SLC39A10: variants seen among roughly 807,000 people sequenced by gnomAD.
SLC39A10 encodes solute carrier family 39 member 10.
A neutral mutation model predicts 65.1 loss-of-function variants in SLC39A10; 13 were observed. The observed-to-expected ratio is 0.20, with a 90% CI of 0.13 to 0.32. The LOEUF is 0.32. Ranked by LOEUF, SLC39A10 falls within the 10% of genes least tolerant of loss-of-function variation. The pLI, the probability that SLC39A10 is intolerant of heterozygous loss-of-function variation, is 1.00. For missense variants in SLC39A10, 831 were observed against 1,018.4 expected (o/e 0.82, Z 2.50); for synonymous variants, 321 against 342.2 (o/e 0.94, Z 0.68).
intron 4 of SLC39A10, among the ~76,000 whole-genome samples, chr2:195,707,887 C>G (rs7565283): frequency 1.3e-5 from 2 of 151,932 alleles, no homozygotes; most frequent in Non-Finnish European, 2.9e-5. Flanking sequence ...AATTTTAGAA[C>G]GAAGAAAGAT....
chr2:195,632,469 T>C (rs1160846390), intron 2 of SLC39A10, among the ~76,000 whole-genome samples: 1 of 151,754 alleles, frequency 6.6e-6, no homozygotes, highest in Non-Finnish European at 1.5e-5. Context: ...CTGGTTAATT[T>C]TGTATTTTTA....
rs1559043873 is a variant in SLC39A10 at position 195,708,832 on chromosome 2, C to T, written c.1563C>T (p.Tyr521=). Reference sequence around the variant, plus strand: ...ACTGCATTAGAATGTTTAAGCACTACAAACAACAAAGAGTAAGTATTTTTT... The same window carrying T: ...ACTGCATTAGAATGTTTAAGCACTATAAACAACAAAGAGTAAGTATTTTTT... ...IEHCIRMFKH[Y]KQQRGKQKWF... Residue 521 remains tyrosine, a synonymous_variant, in exon 5 of 10, where the codon TAC becomes TAT. Transcript: ENST00000359634. 2 of 1,601,302 alleles carry T rather than the reference C, an allele frequency of 1.2e-6. No homozygotes were observed. The highest frequency in any genetic ancestry group is 4.5e-5 in the East Asian group (2 of 44,648).
rs1227069354 is a variant in SLC39A10 at position 195,728,545 on chromosome 2, CCAT to C, written c.2337+200_2337+202del. On this transcript the variant is annotated intron_variant, in intron 9 of 9. Transcript: ENST00000359634. The surrounding 1 kb of genome is among the most constrained non-coding windows in gnomAD (Gnocchi z 4.4). ...CAGTTGAGTTGCTGAAAATGTCTGT[CCAT>C]CATGTTACTATTTAAATAATCATTA... 1.3e-5 allele frequency among the ~76,000 whole-genome samples: 2 copies of C among 151,850 alleles called. No homozygotes were observed. Among genetic ancestry groups the C allele is most frequent in the African/African-American group, 4.8e-5 (2 of 41,362 alleles).
intron 3 of SLC39A10, among the ~76,000 whole-genome samples, chr2:195,684,562 A>G (rs1690451795): frequency 6.6e-6 from 1 of 152,148 alleles, no homozygotes. Context: ...GATCCCAAAT[A>G]TCATTAATTT....
rs542426698 is a variant in SLC39A10 at position 195,678,513 on chromosome 2, A to G, written c.-11-1519A>G. 5.4e-5 allele frequency among the ~76,000 whole-genome samples: 8 copies of G among 147,294 alleles called. No homozygotes were observed. In the East Asian group the frequency reaches 1.6e-3, roughly 29 times the overall value. On this transcript the variant is annotated intron_variant, in intron 1 of 9. Transcript: ENST00000359634. ...AGAAGTTCCTTATATATTTTTGAGT[A>G]TACATTGTGGTAGTCTTCTCCCAGT...
intron 2 of SLC39A10, among the ~76,000 whole-genome samples, chr2:195,648,986 T>C (rs1350670920): frequency 1.3e-5 from 2 of 151,994 alleles, no homozygotes; most frequent in Non-Finnish European, 2.9e-5. Flanking sequence ...AAATGAAACT[T>C]GGGTGTGATG....
At chr2:195,701,792 C>T (rs1008428416) in intron 3 of SLC39A10, among the ~76,000 whole-genome samples, 12 of 152,030 alleles carry the variant, frequency 7.9e-5, no homozygotes, top group African/African-American at 2.9e-4. Flanking sequence ...GGTGATCCTC[C>T]CGCCTCAGCC....
At chr2:195,682,087 A>G (rs1465362303) in intron 2 of SLC39A10, among the ~76,000 whole-genome samples, 1 of 152,190 alleles carries the variant, frequency 6.6e-6, no homozygotes, top group Admixed American at 6.5e-5. Flanking sequence ...TTGGGTACTT[A>G]CACATTTGGT....
intron 3 of SLC39A10, among the ~76,000 whole-genome samples, chr2:195,692,687 C>G (rs1050097868): frequency 1.1e-4 from 16 of 152,172 alleles, no homozygotes; most frequent in Non-Finnish European, 7.4e-5. Context: ...ATTTTGTATC[C>G]TGAAACTTTG....
At chr2:195,651,123 C>T (rs1295531683) in intron 2 of SLC39A10, among the ~76,000 whole-genome samples, 1 of 151,390 alleles carries the variant, frequency 6.6e-6, no homozygotes, top group African/African-American at 2.4e-5. Context: ...GGGAGCTGTG[C>T]TCCTCTAGTG....
At position 195,734,951 on chromosome 2, in the gene SLC39A10, C is replaced by T. The variant is rs780066848; in HGVS notation, c.2406C>T (p.Ile802=). 9 of 1,612,786 alleles carry T rather than the reference C, an allele frequency of 5.6e-6. No individual in the cohort carries two copies. The East Asian group carries it at 1.8e-4, about 32-fold the overall frequency. The change falls in exon 10 of 10, where the codon ATC becomes ATT. Residue 802 remains isoleucine (I), a synonymous_variant. Coordinates refer to ENST00000359634, the MANE Select transcript of SLC39A10 (RefSeq NM_020342.3). ...EHGFCPVGQF[I]LQNLGLLFGF... ...GCTTTTGTCCTGTGGGGCAATTCAT[C>T]CTTCAGAATTTAGGATTGCTCTTTG... is the stretch of plus-strand genomic sequence containing the variant.
At chr2:195,682,216 C>T (rs1337963465) in intron 2 of SLC39A10, among the ~76,000 whole-genome samples, 3 of 152,092 alleles carry the variant, frequency 2.0e-5, no homozygotes, top group Non-Finnish European at 4.4e-5. Flanking sequence ...TTTAGAAAAA[C>T]TTGTTGAGTT....
At chr2:195,708,561 C>T in intron 4 of SLC39A10, 95 bp from the exon 5 acceptor site, 1 of 932,022 alleles carries the variant, frequency 1.1e-6, no homozygotes, top group South Asian at 2.5e-5. Flanking sequence ...GGTATTTTTT[C>T]TGTGTCATTT....
chr2:195,729,846 C>T (rs527437350), intron 9 of SLC39A10, among the ~76,000 whole-genome samples: 11 of 151,834 alleles, frequency 7.2e-5, no homozygotes, highest in Non-Finnish European at 8.8e-5. Context: ...TTACCCAGGC[C>T]GGAATGCAAT....
chr2:195,661,685 G>A (rs1217633107), intron 1 of SLC39A10, among the ~76,000 whole-genome samples: 1 of 152,110 alleles, frequency 6.6e-6, no homozygotes, highest in African/African-American at 2.4e-5. Context: ...GGTTTTTTTG[G>A]ATTGCCAGAT....
chr2:195,667,732 C>T (rs1012911970), intron 1 of SLC39A10, among the ~76,000 whole-genome samples: 1 of 152,164 alleles, frequency 6.6e-6, no homozygotes, highest in Non-Finnish European at 1.5e-5. Context: ...AGAGAGAAAA[C>T]AGTGGCACAA....
chr2:195,641,834 G>A (rs1189041709), intron 2 of SLC39A10, among the ~76,000 whole-genome samples: 1 of 152,052 alleles, frequency 6.6e-6, no homozygotes, highest in Non-Finnish European at 1.5e-5. Context: ...TGAGATTACA[G>A]ACGTGCACCA....
intron 8 of SLC39A10, among the ~76,000 whole-genome samples, chr2:195,727,857 C>T (rs1360687423): frequency 1.3e-5 from 2 of 152,054 alleles, no homozygotes; most frequent in African/African-American, 2.4e-5. Context: ...CCTTTAGAGT[C>T]GCAGCTCTCC....
chr2:195,721,905 A>G (rs1035494223), intron 8 of SLC39A10, among the ~76,000 whole-genome samples: 9 of 152,232 alleles, frequency 5.9e-5, no homozygotes, highest in African/African-American at 2.2e-4. Flanking sequence ...GGATTCACTC[A>G]GACACAGAAT....
Sources: gnomAD v4.1 joint callset for allele counts (sites outside exome capture counted in the v4.1 genomes callset) on GRCh38, gnomAD v4.1.1 for gene constraint, Gnocchi (gnomAD v3.1) non-coding constraint, MANE v1.5 for transcripts, NCBI Gene and HGNC (gene_info 2026-07-23, HGNC 2026-07-21) for gene names.